Variants in CCDC30 observed in about 807,000 individuals in gnomAD.
CCDC30 encodes coiled-coil domain containing 30.
In CCDC30, 70 loss-of-function variants were observed where a neutral mutation model predicts 100.2. The observed-to-expected ratio is 0.70, with a 90% CI of 0.58 to 0.85. The LOEUF is 0.85. Among genes scored for constraint, CCDC30 ranks in the 40% least tolerant of loss-of-function variants. CCDC30 has a pLI of 0.00. For missense variants in CCDC30, 652 were observed against 771.2 expected (o/e 0.85, Z 1.83); for synonymous variants, 233 against 269.5 (o/e 0.86, Z 1.33).
At chr1:42,556,435 G>A in intron 6 of CCDC30, 30 bp downstream of exon 10, 13 of 1,547,440 alleles carry the variant, frequency 8.4e-6, no homozygotes, top group Non-Finnish European at 1.1e-5. Flanking sequence ...GCCCTGACTG[G>A]GTTCGTTTCC....
chr1:42,599,086 AG>A (rs941255706), intron 10 of CCDC30, among the ~76,000 whole-genome samples: 141 of 152,336 alleles, frequency 9.3e-4, no homozygotes, highest in African/African-American at 3.3e-3. Flanking sequence ...GTGAAGGTAA[AG>A]TAAAAACTTT....
intron 12 of CCDC30, among the ~76,000 whole-genome samples, chr1:42,638,978 T>C (rs1356908094): frequency 6.6e-6 from 1 of 152,144 alleles, no homozygotes; most frequent in Non-Finnish European, 1.5e-5. Context: ...CCTATTTCTA[T>C]ATTATCAGTT....
intron 6 of CCDC30, among the ~76,000 whole-genome samples, chr1:42,520,160 G>GT (rs59604910): frequency 0.39 from 58,367 of 151,182 alleles, 11,707 homozygotes; most frequent in East Asian, 0.59. Flanking sequence ...GGTTTGTTTT[G>GT]TTTTCCTTTT....
intron 3 of CCDC30, among the ~76,000 whole-genome samples, chr1:42,485,128 A>T (rs6675966): frequency 0.24 from 37,044 of 152,046 alleles, 4,906 homozygotes; most frequent in South Asian, 0.42. Flanking sequence ...GATGTCTAGG[A>T]TTTGCTTCAA....
intron 4 of CCDC30, chr1:42,491,635 G>C: frequency 6.2e-6 from 1 of 162,360 alleles, no homozygotes; most frequent in African/African-American, 2.4e-5. Flanking sequence ...TAACACAAAG[G>C]ATAAATACTT....
intron 10 of CCDC30, among the ~76,000 whole-genome samples, chr1:42,608,601 A>G (rs112171936): frequency 6.7e-6 from 1 of 149,634 alleles, no homozygotes; most frequent in Admixed American, 6.7e-5. Context: ...GCTACTCGGG[A>G]GGCTGAGGCG....
chr1:42,620,088 G>A (rs895876152), intron 11 of CCDC30, among the ~76,000 whole-genome samples: 6 of 152,162 alleles, frequency 3.9e-5, no homozygotes, highest in African/African-American at 1.2e-4. Flanking sequence ...ACTTTTGTTA[G>A]TATTATAGCA....
chr1:42,536,893 G>T (rs568113863), intron 6 of CCDC30: 14 of 382,876 alleles, frequency 3.7e-5, no homozygotes, highest in African/African-American at 2.3e-4. Flanking sequence ...AAGCTCTGGT[G>T]TCTCTTCCTC....
chr1:42,537,619 G>A (rs1283254955), intron 6 of CCDC30: 2 of 263,194 alleles, frequency 7.6e-6, no homozygotes, highest in Admixed American at 5.1e-5. Flanking sequence ...TCAACCCAAA[G>A]TCTTCCACCA....
At chr1:42,495,070 G>A (rs185123113) in intron 4 of CCDC30, among the ~76,000 whole-genome samples, 26,611 of 139,240 alleles carry the variant, frequency 0.19, 2,141 homozygotes, top group Non-Finnish European at 0.27. Context: ...TGTTTATTGC[G>A]GCACTATTCA....
At chr1:42,590,939 T>G (rs1313565531) in intron 10 of CCDC30, 1 of 152,190 alleles carries the variant, frequency 6.6e-6, no homozygotes, top group East Asian at 1.9e-4. Context: ...GTACCAAGGA[T>G]CTGTGGAAGT....
chr1:42,456,419 C>A, the CCDC30 span: 1 of 892,170 alleles, frequency 1.1e-6, no homozygotes, highest in Non-Finnish European at 1.6e-6. Context: ...CTACGCATTT[C>A]CAGACTTGGC....
rs547647896 is a variant in CCDC30 at position 42,577,892 on chromosome 1, G to T, written c.846+663G>T. 2.6e-5 allele frequency among the ~76,000 whole-genome samples: 4 copies of T among 152,072 alleles called. No homozygotes were observed. In the East Asian group the frequency reaches 7.7e-4, roughly 29 times the overall value. ...TCTGACCTCGTGATCCACCCGCCTCGGCCTCCCAAAGTGCTGGGATTACAG... is the reference window on the plus strand; with the variant it reads ...TCTGACCTCGTGATCCACCCGCCTCTGCCTCCCAAAGTGCTGGGATTACAG... On this transcript the variant is annotated intron_variant, in intron 8 of 16. Transcript: ENST00000668663.
intron 11 of CCDC30, among the ~76,000 whole-genome samples, chr1:42,636,965 CAAAAAAAAA>C (rs1166253995): frequency 2.4e-4 from 7 of 29,518 alleles, no homozygotes; most frequent in Admixed American, 6.9e-4. Flanking sequence ...GACTCCATCT[CAAAAAAAAA>C]AAAAAAAAAA....
chr1:42,473,635 C>T (rs942121617), intron 1 of CCDC30: 1 of 218,458 alleles, frequency 4.6e-6, no homozygotes, highest in Non-Finnish European at 9.0e-6. Flanking sequence ...AAACTAATGT[C>T]GGCATAGTAT....
At chr1:42,584,591 G>A (rs1474596035) in intron 9 of CCDC30, among the ~76,000 whole-genome samples, 2 of 139,092 alleles carry the variant, frequency 1.4e-5, no homozygotes, top group African/African-American at 5.5e-5. Context: ...GGCTAAACAG[G>A]CGAGACTCCA....
At chr1:42,457,636 G>T in the CCDC30 span, 1 of 420,834 alleles carries the variant, frequency 2.4e-6, no homozygotes, top group Non-Finnish European at 4.3e-6. Context: ...CTTCTTGGAG[G>T]AGATGAATTG....
At chr1:42,507,899 CT>C (rs111247620) in intron 6 of CCDC30, among the ~76,000 whole-genome samples, 2,181 of 152,246 alleles carry the variant, frequency 0.014, 51 homozygotes, top group African/African-American at 0.05. Context: ...ATCTTGAAGA[CT>C]TTTTTATTTC....
intron 6 of CCDC30, among the ~76,000 whole-genome samples, chr1:42,541,439 A>G (rs890767161): frequency 6.6e-6 from 1 of 152,218 alleles, no homozygotes; most frequent in Admixed American, 6.5e-5. Context: ...GATTTTGAAG[A>G]ATGTCTCTTA....
Sources: gnomAD v4.1 joint callset for allele counts (sites outside exome capture counted in the v4.1 genomes callset) on GRCh38, gnomAD v4.1.1 for gene constraint, MANE v1.5 for transcripts, NCBI Gene and HGNC (gene_info 2026-07-23, HGNC 2026-07-21) for gene names.